Variants in KDM6A observed in about 807,000 individuals in gnomAD.
The protein encoded by KDM6A is lysine demethylase 6A.
A neutral mutation model predicts 117.6 loss-of-function variants in KDM6A; 11 were observed. The ratio of observed to expected loss-of-function variants is 0.09; its 90% CI spans 0.06 to 0.15. The LOEUF is 0.15. KDM6A is among the 10% of genes least tolerant of loss of function. KDM6A has a pLI of 1.00. For missense variants in KDM6A, 799 were observed against 1,077.3 expected, an observed-to-expected ratio of 0.74 and a Z score of 3.62; for synonymous variants, 384 against 396.1, an observed-to-expected ratio of 0.97 and a Z score of 0.36.
intron 2 of KDM6A, among the ~76,000 whole-genome samples, chrX:44,925,418 A>G (rs1158150585): frequency 8.1e-5 from 9 of 111,596 alleles, no homozygotes; most frequent in Non-Finnish European, 1.3e-4. Flanking sequence ...CTGTCTGAAA[A>G]TGTTGTTTCA....
At chrX:44,902,868 A>G (rs1307432882) in intron 2 of KDM6A, among the ~76,000 whole-genome samples, 2 of 111,783 alleles carry the variant, frequency 1.8e-5, no homozygotes, top group East Asian at 2.8e-4. Flanking sequence ...TCTGTCTCCA[A>G]GATTGCTGCA....
chrX:44,956,601 G>A (rs1389755431), intron 2 of KDM6A, among the ~76,000 whole-genome samples: 2 of 110,516 alleles, frequency 1.8e-5, no homozygotes, highest in Non-Finnish European at 3.8e-5. Flanking sequence ...ACGAGGCCTC[G>A]CTATGTTGCC....
At chrX:45,032,921 C>T (rs183901655) in intron 6 of KDM6A, among the ~76,000 whole-genome samples, 13 of 112,547 alleles carry the variant, frequency 1.2e-4, no homozygotes, top group Admixed American at 2.8e-4. Context: ...CCAGGTTTCA[C>T]TGCAGAATCT....
chrX:45,053,736 A>G, intron 9 of KDM6A, 93 bp from the exon 10 acceptor site: 1 of 684,467 alleles, frequency 1.5e-6, no homozygotes, highest in Non-Finnish European at 2.3e-6. Context: ...GACAGAAAAG[A>G]GTACTTTTTT....
chrX:44,932,715 T>C (rs1277271207), intron 2 of KDM6A, among the ~76,000 whole-genome samples: 3 of 111,000 alleles, frequency 2.7e-5, no homozygotes, highest in Non-Finnish European at 5.7e-5. Flanking sequence ...TATCTATGTA[T>C]TGTTTTTCCT....
intron 21 of KDM6A, 48 bp from the exon 22 acceptor site, chrX:45,082,528 T>G: frequency 1.2e-6 from 1 of 823,980 alleles, no homozygotes; most frequent in Non-Finnish European, 1.8e-6. Context: ...TGGAAAGGAT[T>G]GCCAGTTGTA....
At chrX:45,066,503 G>T (rs2044542646) in intron 17 of KDM6A, among the ~76,000 whole-genome samples, 1 of 111,661 alleles carries the variant, frequency 9.0e-6, no homozygotes, top group Admixed American at 9.5e-5. Flanking sequence ...GGAGAAAGGG[G>T]AATTGTTAGA....
At chrX:44,932,477 A>T (rs1173295219) in intron 2 of KDM6A, among the ~76,000 whole-genome samples, 1 of 111,454 alleles carries the variant, frequency 9.0e-6, no homozygotes, top group East Asian at 2.8e-4. Context: ...CAGGTTGCTT[A>T]TATTTTTCTT....
intron 27 of KDM6A, among the ~76,000 whole-genome samples, chrX:45,105,608 A>G (rs2046499205): frequency 8.9e-6 from 1 of 112,206 alleles, no homozygotes; most frequent in African/African-American, 3.2e-5. Context: ...TTCAAGAGCT[A>G]GAGACAGAGT....
chrX:44,921,498 A>C (rs1399290916), intron 2 of KDM6A, among the ~76,000 whole-genome samples: 2 of 111,297 alleles, frequency 1.8e-5, no homozygotes, highest in East Asian at 2.8e-4. Flanking sequence ...CTGTCCCTTT[A>C]TAGCCACACC....
At chrX:44,896,576 T>C (rs1359565754) in intron 2 of KDM6A, among the ~76,000 whole-genome samples, 1 of 109,280 alleles carries the variant, frequency 9.2e-6, no homozygotes, top group Non-Finnish European at 1.9e-5. Context: ...TATTCCAAAG[T>C]TCTTTTTTTT....
chrX:45,024,354 A>C (rs1401231444), intron 6 of KDM6A, among the ~76,000 whole-genome samples: 1 of 111,700 alleles, frequency 9.0e-6, no homozygotes, highest in African/African-American at 3.3e-5. Flanking sequence ...GTGGTATCGC[A>C]TTGTGGATTT....
intron 25 of KDM6A, chrX:45,086,300 T>G (rs1451428038): frequency 2.2e-5 from 5 of 230,433 alleles, no homozygotes; most frequent in Middle Eastern, 1.6e-3. Flanking sequence ...AAAATTGTTT[T>G]GTTATAAATG....
At chrX:45,040,458 C>A (rs1423415797) in intron 8 of KDM6A, among the ~76,000 whole-genome samples, 6 of 82,694 alleles carry the variant, frequency 7.3e-5, no homozygotes, top group African/African-American at 1.4e-4. Flanking sequence ...TGACCCCCCC[C>A]ACCTCCCTCC....
intron 2 of KDM6A, among the ~76,000 whole-genome samples, chrX:44,938,748 C>T (rs1223465006): frequency 1.8e-5 from 2 of 112,357 alleles, no homozygotes; most frequent in African/African-American, 6.5e-5. Context: ...CTTCAAGGGA[C>T]AGCCTGACTC....
chrX:45,062,539 C>A, intron 15 of KDM6A, 108 bp from the exon 16 acceptor site: 1 of 542,584 alleles, frequency 1.8e-6, no homozygotes, highest in Non-Finnish European at 3.2e-6. Flanking sequence ...GTGTGTTTGA[C>A]CAGATAGTGG....
Position 45,070,239 on chromosome X carries a change from T to C in KDM6A, c.2740T>C (p.Ser914Pro). The change falls in exon 18 of 30, where the codon TCT becomes CCT. Residue 914 changes from serine (S) to proline (P), a missense_variant. By Grantham distance (74) the Ser-to-Pro change is moderately conservative (BLOSUM62 -1). Transcript: ENST00000611820. ...HTINGEGMEE[S>P]QSPMKTDLLL... ...AATTAATGGAGAAGGGATGGAAGAA[T>C]CTCAGAGCCCCATGAAAACAGATCT... 8.3e-7 allele frequency: 1 copy of C among 1,208,679 alleles called. No homozygotes were observed. The highest frequency in any genetic ancestry group is 1.1e-6 in the Non-Finnish European group (1 of 894,218).
chrX:44,897,509 A>G (rs1259317992), intron 2 of KDM6A, among the ~76,000 whole-genome samples: 1 of 110,326 alleles, frequency 9.1e-6, no homozygotes, highest in Non-Finnish European at 1.9e-5. Context: ...ATGGCATGAG[A>G]TTTTCATTTG....
At chrX:44,884,232 T>C (rs937984376) in intron 2 of KDM6A, among the ~76,000 whole-genome samples, 2 of 109,078 alleles carry the variant, frequency 1.8e-5, no homozygotes, top group Admixed American at 1.0e-4. Context: ...TAACTGAACA[T>C]GTGAGAAGCC....
Sources: allele counts gnomAD v4.1 joint callset (sites outside exome capture counted in the v4.1 genomes callset), GRCh38; gene constraint gnomAD v4.1.1; transcripts MANE v1.5; gene names NCBI Gene and HGNC (gene_info 2026-07-23, HGNC 2026-07-21).